DLG2: variants seen among roughly 807,000 people sequenced by gnomAD.
DLG2 encodes the protein disks large homolog 2.
A neutral mutation model predicts 132.5 loss-of-function variants in DLG2; 45 were observed. That is an observed-to-expected ratio of 0.34 (90% CI 0.27 to 0.44). The LOEUF is 0.44. Among genes scored for constraint, DLG2 ranks in the 20% least tolerant of loss-of-function variants. DLG2 has a pLI of 1.00. For synonymous variants in DLG2, 424 were observed against 419.6 expected (o/e 1.01, Z -0.13); for missense variants, 1,045 against 1,196.9 (o/e 0.87, Z 1.87).
At chr11:85,464,608 G>GGAATAGTCACAAATCTTGTGACCT (rs1161545321) in intron 3 of DLG2, among the ~76,000 whole-genome samples, 1 of 151,990 alleles carries the variant, frequency 6.6e-6, no homozygotes, top group Non-Finnish European at 1.5e-5. Flanking sequence ...AGGAACAATT[G>GGAATAGTCACAAATCTTGTGACCT]GAATAGTCAC....
chr11:84,065,690 T>C (rs1419538820), intron 10 of DLG2, among the ~76,000 whole-genome samples: 1 of 152,198 alleles, frequency 6.6e-6, no homozygotes, highest in Non-Finnish European at 1.5e-5. Flanking sequence ...AAATTACCAT[T>C]CAACCTAGAA....
intron 8 of DLG2, among the ~76,000 whole-genome samples, chr11:84,172,292 A>C (rs1337652360): frequency 2.0e-5 from 3 of 152,118 alleles, no homozygotes; most frequent in Non-Finnish European, 4.4e-5. Context: ...CTTTCTTTAA[A>C]TAAACGCTCA....
At chr11:84,796,978 C>T (rs898722448) in intron 6 of DLG2, among the ~76,000 whole-genome samples, 10 of 151,942 alleles carry the variant, frequency 6.6e-5, no homozygotes, top group Admixed American at 2.6e-4. Flanking sequence ...TCCTGAGTAG[C>T]TGGGATTACA....
intron 7 of DLG2, among the ~76,000 whole-genome samples, chr11:84,347,590 A>G (rs1293478172): frequency 6.6e-6 from 1 of 152,224 alleles, no homozygotes; most frequent in Non-Finnish European, 1.5e-5. Flanking sequence ...ATTCTGTGAC[A>G]TGGAGGAAAA....
At chr11:84,333,015 C>T (rs1372391916) in intron 7 of DLG2, among the ~76,000 whole-genome samples, 1 of 152,142 alleles carries the variant, frequency 6.6e-6, no homozygotes, top group Admixed American at 6.5e-5. Flanking sequence ...CTTTATACAC[C>T]TGGATGTCAT....
chr11:85,246,178 C>T (rs886082054), intron 4 of DLG2, among the ~76,000 whole-genome samples: 2 of 151,744 alleles, frequency 1.3e-5, no homozygotes, highest in African/African-American at 4.8e-5. Context: ...GGTTGTATTT[C>T]AAATGCCTAT....
intron 5 of DLG2, among the ~76,000 whole-genome samples, chr11:85,123,567 T>C (rs992843566): frequency 3.3e-5 from 5 of 152,162 alleles, no homozygotes; most frequent in African/African-American, 1.2e-4. Context: ...TACAAAGAAA[T>C]TGAGCACAGA....
intron 18 of DLG2, among the ~76,000 whole-genome samples, chr11:83,741,535 G>C (rs1386044413): frequency 6.6e-6 from 1 of 151,998 alleles, no homozygotes; most frequent in African/African-American, 2.4e-5. Flanking sequence ...GTAATATCAT[G>C]AACACAATCC....
At chr11:85,360,754 T>C (rs2152899645) in intron 3 of DLG2, among the ~76,000 whole-genome samples, 1 of 152,188 alleles carries the variant, frequency 6.6e-6, no homozygotes, top group East Asian at 1.9e-4. Flanking sequence ...AAGCTAAGAG[T>C]GATTCAACTT....
chr11:84,489,064 GATA>G (rs1341055845), intron 7 of DLG2, among the ~76,000 whole-genome samples: 1 of 152,074 alleles, frequency 6.6e-6, no homozygotes, highest in Non-Finnish European at 1.5e-5. Context: ...AAACCTAATA[GATA>G]ATAGAGAGGA....
intron 8 of DLG2, among the ~76,000 whole-genome samples, chr11:84,209,617 T>A (rs77630353): frequency 1.5e-3 from 223 of 149,460 alleles, no homozygotes; most frequent in African/African-American, 5.0e-3. Context: ...TGTTCCAAAA[T>A]AAAAAAAAAA....
intron 6 of DLG2, among the ~76,000 whole-genome samples, chr11:85,019,748 A>T (rs1254550110): frequency 1.3e-5 from 2 of 152,086 alleles, no homozygotes; most frequent in Non-Finnish European, 2.9e-5. Flanking sequence ...GACAGTTTGC[A>T]GAGAATGATG....
intron 15 of DLG2, among the ~76,000 whole-genome samples, chr11:83,924,829 A>T (rs2078655271): frequency 6.6e-6 from 1 of 152,134 alleles, no homozygotes; most frequent in Admixed American, 6.6e-5. Flanking sequence ...GTAAATTATA[A>T]ATGTGGATTC....
chr11:83,664,098 T>C (rs554961876), intron 18 of DLG2, among the ~76,000 whole-genome samples: 2 of 152,322 alleles, frequency 1.3e-5, no homozygotes, highest in Admixed American at 6.5e-5. Context: ...TAAGCTATTG[T>C]AGACAGAAAG....
chr11:85,459,005 G>A (rs989599680), intron 3 of DLG2, among the ~76,000 whole-genome samples: 1 of 152,150 alleles, frequency 6.6e-6, no homozygotes, highest in African/African-American at 2.4e-5. Context: ...GCCCTGGATG[G>A]GGCACCTGTG....
chr11:85,530,072 C>A (rs1436468676), intron 3 of DLG2, among the ~76,000 whole-genome samples: 2 of 149,076 alleles, frequency 1.3e-5, no homozygotes, highest in East Asian at 4.0e-4. Context: ...TCTCACCTCA[C>A]CACAACCTCC....
chr11:83,500,019 ATTC>A (rs2094387208), intron 21 of DLG2, among the ~76,000 whole-genome samples: 1 of 150,654 alleles, frequency 6.6e-6, no homozygotes, highest in South Asian at 2.1e-4. Context: ...ATAATGATCT[ATTC>A]TTTAATATTT....
chr11:83,546,726 T>C (rs1019377413), intron 19 of DLG2, among the ~76,000 whole-genome samples: 1 of 152,094 alleles, frequency 6.6e-6, no homozygotes, highest in African/African-American at 2.4e-5. Context: ...ATAAGAAATG[T>C]TGTACTTAGA....
At chr11:84,019,611 T>C (rs1352405103) in intron 11 of DLG2, among the ~76,000 whole-genome samples, 4 of 152,152 alleles carry the variant, frequency 2.6e-5, no homozygotes, top group Non-Finnish European at 5.9e-5. Flanking sequence ...AAGATGATTA[T>C]GTTAAGATGA....
Sources: allele counts gnomAD v4.1 joint callset (sites outside exome capture counted in the v4.1 genomes callset), GRCh38; gene constraint gnomAD v4.1.1; transcripts MANE v1.5; gene names NCBI Gene and HGNC (gene_info 2026-07-23, HGNC 2026-07-21).